The following PEAK1 variants were observed in gnomAD, a reference collection of about 807,000 sequenced individuals.
PEAK1 encodes the protein pseudopodium enriched atypical kinase 1, also known as inactive tyrosine-protein kinase PEAK1.
Under a neutral mutation model 124.7 loss-of-function variants are expected in PEAK1, and 54 were observed. That is an observed-to-expected ratio of 0.43 (90% confidence interval 0.35 to 0.54). The LOEUF is 0.54. Among genes scored for constraint, PEAK1 ranks in the 20% least tolerant of loss-of-function variants. PEAK1 has a pLI of 0.01. For missense variants in PEAK1, 2,046 were observed against 2,134.5 expected, an observed-to-expected ratio of 0.96 and a Z score of 0.82; for synonymous variants, 719 against 760.0, an observed-to-expected ratio of 0.95 and a Z score of 0.89.
chr15:77,304,860 C>T (rs953214354), intron 2 of PEAK1, among the ~76,000 whole-genome samples: 3 of 152,070 alleles, frequency 2.0e-5, no homozygotes, highest in Non-Finnish European at 4.4e-5. Flanking sequence ...ATATACAAAT[C>T]ACCTAGCCTA....
chr15:77,315,396 A>G (rs2064806450), intron 2 of PEAK1, among the ~76,000 whole-genome samples: 1 of 152,212 alleles, frequency 6.6e-6, no homozygotes, highest in South Asian at 2.1e-4. Context: ...CCAACATTTT[A>G]TTCTTTAAAA....
chr15:77,166,665 G>A (rs1352608419), intron 7 of PEAK1, among the ~76,000 whole-genome samples: 1 of 152,244 alleles, frequency 6.6e-6, no homozygotes, highest in Non-Finnish European at 1.5e-5. Context: ...GAGAGATTAA[G>A]TTACTTGCTT....
In PEAK1 at chr15:77,335,447, G is replaced by A. The variant is rs80284142; in HGVS notation, c.-603+29716C>T. The A allele has an allele frequency of 4.9e-3, 4,866 of 985,172 alleles. 203 individuals are homozygous for A. The African/African-American group carries it at 0.078, about 16-fold the overall frequency. 61.0% of individuals were successfully genotyped at this position (985,172 alleles called of 1,614,324 possible). ...TTCTGCTATTTTGCCCAATACTGTT[G>A]TCTGTATTCTTATCACTATACATCA... is the stretch of plus-strand genomic sequence containing the variant. On this transcript the variant is annotated intron_variant, in intron 2 of 9. Transcript: ENST00000682557.
At chr15:77,204,000 A>G (rs1468255999) in intron 6 of PEAK1, among the ~76,000 whole-genome samples, 2 of 152,216 alleles carry the variant, frequency 1.3e-5, no homozygotes, top group African/African-American at 2.4e-5. Context: ...GATACGAAAT[A>G]TTTGCAACAC....
At chr15:77,222,904 G>GT (rs1221969461) in intron 6 of PEAK1, among the ~76,000 whole-genome samples, 2 of 152,018 alleles carry the variant, frequency 1.3e-5, no homozygotes, top group Non-Finnish European at 2.9e-5. Flanking sequence ...GGTGACACAG[G>GT]TAACAAGGAC....
At chr15:77,387,484 C>T (rs2070052244) in intron 1 of PEAK1, among the ~76,000 whole-genome samples, 1 of 152,214 alleles carries the variant, frequency 6.6e-6, no homozygotes, top group Non-Finnish European at 1.5e-5. Flanking sequence ...AAGTGATTTG[C>T]TCACAGCTGA....
intron 2 of PEAK1, among the ~76,000 whole-genome samples, chr15:77,313,686 G>A (rs1309282207): frequency 0.013 from 1,567 of 120,794 alleles, 66 homozygotes; most frequent in African/African-American, 0.055. Flanking sequence ...GTGTGTGTGT[G>A]TGTGTGTATA....
At chr15:77,298,847 G>A (rs1012751241) in intron 2 of PEAK1, among the ~76,000 whole-genome samples, 4 of 152,018 alleles carry the variant, frequency 2.6e-5, no homozygotes, top group Non-Finnish European at 4.4e-5. Context: ...TTTCCTTAGC[G>A]TTACCAGGGC....
intron 2 of PEAK1, among the ~76,000 whole-genome samples, chr15:77,303,258 T>C (rs1024609013): frequency 1.3e-5 from 2 of 152,180 alleles, no homozygotes; most frequent in African/African-American, 2.4e-5. Context: ...GTTTTCAAAT[T>C]AGTTGGGTAA....
Position 77,336,996 on chromosome 15 carries a change from T to A in PEAK1, c.-603+28167A>T, listed in dbSNP as rs1185692191. 3 of 504,216 alleles carry A rather than the reference T, an allele frequency of 5.9e-6. No individual in the cohort carries two copies. In the African/African-American group the frequency reaches 6.3e-5, roughly 11 times the overall value. The allele number at this position is 504,216 out of a possible 1,614,324, so 31.2% of individuals were successfully genotyped here. ...AACACTATATAATATTTTCCAAAGA[T>A]ATAGAAATATCCAAAGACATAAATT... On this transcript the variant is annotated intron_variant, in intron 2 of 9. Transcript: ENST00000682557.
At chr15:77,128,886 G>GC (rs1186015778) in intron 9 of PEAK1, among the ~76,000 whole-genome samples, 1 of 152,186 alleles carries the variant, frequency 6.6e-6, no homozygotes, top group East Asian at 1.9e-4. Flanking sequence ...GACTTTTGGA[G>GC]CTGTTGGAAT....
In PEAK1 at chr15:77,158,686, G is replaced by C. The variant is rs1489675936; in HGVS notation, c.3148C>G (p.His1050Asp). Residue 1050 changes from histidine (H) to aspartate (D), a missense_variant, in exon 8 of 10, where the codon CAT becomes GAT. Transcript: ENST00000682557. ...IPKKILSHMT[H>D]EVTEDFSPRD... ...GGAGAAAAATCCTCTGTTACTTCAT[G>C]GGTCATGTGACTGAAACAAATCAGA... The C allele has an allele frequency of 6.2e-7, 1 of 1,613,390 alleles. No individual in the cohort carries two copies. The highest frequency in any genetic ancestry group is 1.7e-5 in the Admixed American group (1 of 60,010).
At position 77,175,118 on chromosome 15, in the gene PEAK1, C is replaced by T. The variant is rs1320993091; in HGVS notation, c.3137+3672G>A. 3.9e-5 allele frequency among the ~76,000 whole-genome samples: 6 copies of T among 152,156 alleles called. No individual in the cohort carries two copies. In the South Asian group the frequency reaches 8.3e-4, roughly 21 times the overall value. Reference sequence around the variant, plus strand: ...AAATCAATTCAAGATGGATTAAAGACTTAAACGTTAGATCTAAAACCATAA... The same window carrying T: ...AAATCAATTCAAGATGGATTAAAGATTTAAACGTTAGATCTAAAACCATAA... On this transcript the variant is annotated intron_variant, in intron 7 of 9. Coordinates refer to ENST00000682557, the MANE Select transcript of PEAK1 (RefSeq NM_001385026.1).
At chr15:77,223,281 G>C (rs780917925) in intron 6 of PEAK1, among the ~76,000 whole-genome samples, 1 of 151,888 alleles carries the variant, frequency 6.6e-6, no homozygotes, top group African/African-American at 2.4e-5. Context: ...AGTTCTACCT[G>C]GTAAGAACTT....
intron 2 of PEAK1, among the ~76,000 whole-genome samples, chr15:77,299,155 T>A (rs1036980606): frequency 6.6e-6 from 1 of 152,264 alleles, no homozygotes; most frequent in African/African-American, 2.4e-5. Flanking sequence ...CTTCTAGAAT[T>A]GATTTTTTAT....
chr15:77,340,175 T>C (rs972453385), intron 2 of PEAK1, among the ~76,000 whole-genome samples: 6 of 152,230 alleles, frequency 3.9e-5, no homozygotes, highest in Admixed American at 3.3e-4. Context: ...TGCATGCAAA[T>C]GTTTATAGAA....
chr15:77,263,226 T>C (rs893662213), intron 5 of PEAK1, among the ~76,000 whole-genome samples: 2 of 152,036 alleles, frequency 1.3e-5, no homozygotes, highest in African/African-American at 4.8e-5. Context: ...ATTCAAAAGC[T>C]AGTAGAAGGC....
chr15:77,185,637 G>GA (rs2057507494), intron 6 of PEAK1, among the ~76,000 whole-genome samples: 1 of 152,178 alleles, frequency 6.6e-6, no homozygotes, highest in Non-Finnish European at 1.5e-5. Flanking sequence ...GCAGTGAGTT[G>GA]AAGAGTGAGA....
chr15:77,408,068 T>C (rs2072033730), intron 1 of PEAK1, among the ~76,000 whole-genome samples: 1 of 127,304 alleles, frequency 7.9e-6, no homozygotes, highest in African/African-American at 2.7e-5. Flanking sequence ...TAGATACACA[T>C]ATATACATAT....
Sources: gnomAD v4.1 joint callset for allele counts (sites outside exome capture counted in the v4.1 genomes callset) on GRCh38, gnomAD v4.1.1 for gene constraint, MANE v1.5 for transcripts, NCBI Gene and HGNC (gene_info 2026-07-23, HGNC 2026-07-21) for gene names.